The following ADAT2 variants were observed in gnomAD, a reference collection of about 807,000 sequenced individuals.
The protein encoded by ADAT2 is tRNA-specific adenosine-34 deaminase catalytic subunit ADAT2.
ADAT2 carries 26 observed loss-of-function variants against 25.9 expected under a neutral mutation model. The observed-to-expected ratio is 1.00, with a 90% CI of 0.74 to 1.39. ADAT2 has a LOEUF of 1.39. Ranked by LOEUF, ADAT2 falls within the 40% of genes most tolerant of loss-of-function variation. ADAT2 has a pLI of 0.00. For missense variants in ADAT2, 220 were observed against 244.8 expected (o/e 0.90, Z 0.68); for synonymous variants, 76 against 86.8 (o/e 0.88, Z 0.69).
rs1379993144 is a variant in ADAT2, at chr6:143,426,320, T to C, written c.*2143A>G. 1 of 152,176 alleles carries C rather than the reference T, an allele frequency of 6.6e-6. No individual in the cohort carries two copies. Among genetic ancestry groups the C allele is most frequent in the East Asian group, 1.9e-4 (1 of 5,194 alleles). The allele number at this position is 152,176 out of a possible 1,614,324, so 9.4% of individuals were successfully genotyped here. On this transcript the variant is annotated 3_prime_UTR_variant, in exon 6 of 6. Coordinates refer to ENST00000237283, the MANE Select transcript of ADAT2 (RefSeq NM_182503.3). This position sits in a 1 kb window ranked among gnomAD's most constrained non-coding sequence, Gnocchi z 4.1. ...ATAATTCCTCACTGTCACTTGGAAA[T>C]TGCTAGCAGAATTCCATAGAGCTAA...
At chr6:143,429,858 C>T (rs1331122369) in intron 4 of ADAT2, among the ~76,000 whole-genome samples, 1 of 152,172 alleles carries the variant, frequency 6.6e-6, no homozygotes, top group African/African-American at 2.4e-5. Flanking sequence ...CTTGCCTGGG[C>T]CTCCGACACC....
rs1778888175 is a variant in ADAT2 at position 143,425,042 on chromosome 6, A to C, written c.*3421T>G. 1 of 152,214 alleles carries C rather than the reference A, an allele frequency of 6.6e-6. No homozygotes were observed. Among genetic ancestry groups the C allele is most frequent in the African/African-American group, 2.4e-5 (1 of 41,460 alleles). 9.4% of individuals were successfully genotyped at this position (152,214 alleles called of 1,614,324 possible). A position where few individuals can be genotyped will look rare whatever the true frequency, so the allele number is the denominator to read the frequency against. On this transcript the variant is annotated 3_prime_UTR_variant, in exon 6 of 6. Transcript: ENST00000237283. Reference sequence around the variant, plus strand: ...AGATGTGATATCCTGTGAGGAACTTAACATCAACCAGCACCTGAATCTAAT... The same window carrying C: ...AGATGTGATATCCTGTGAGGAACTTCACATCAACCAGCACCTGAATCTAAT...
At position 143,428,570 on chromosome 6, in the gene ADAT2, A is replaced by T; in HGVS notation, c.532+42T>A. 1 of 1,612,436 alleles carries T rather than the reference A, an allele frequency of 6.2e-7. No individual in the cohort carries two copies. ...TAAGCTCATAGCAGATTCTCTTTGT[A>T]TGGATTTAAGGGAAGGACATTATCC... On this transcript the variant is annotated intron_variant, in intron 5 of 5. Transcript: ENST00000237283. This position sits in a 1 kb window ranked among gnomAD's most constrained non-coding sequence, Gnocchi z 5.0.
Position 143,436,580 on chromosome 6 carries a change from A to G in ADAT2, c.201+2010T>C. On this transcript the variant is annotated intron_variant, in intron 2 of 5. Coordinates refer to ENST00000237283, the MANE Select transcript of ADAT2 (RefSeq NM_182503.3). The surrounding 1 kb of genome is among the most constrained non-coding windows in gnomAD (Gnocchi z 4.1). ...CTGCACTGGTACATGGGCGAGGGCA[A>G]GAATGAGATGGAATTCACTGGGGCC... The G allele has an allele frequency of 2.4e-6, 1 of 411,622 alleles. No individual in the cohort carries two copies. Among genetic ancestry groups the G allele is most frequent in the Non-Finnish European group, 5.0e-6 (1 of 201,434 alleles). 25.5% of individuals were successfully genotyped at this position (411,622 alleles called of 1,614,324 possible).
In ADAT2 at chr6:143,428,697, G is replaced by A. The variant is rs1436677646; in HGVS notation, c.460-13C>T. 6.2e-7 allele frequency: 1 copy of A among 1,612,988 alleles called. No homozygotes were observed. Among genetic ancestry groups the A allele is most frequent in the Non-Finnish European group, 8.5e-7 (1 of 1,179,282 alleles). ...ATCCAGGGATACACTGATGGAATGA[G>A]AAAGTTGAGAATAAACATAGGCCTA... is the stretch of plus-strand genomic sequence containing the variant. On this transcript the variant is annotated splice_polypyrimidine_tract_variant and intron_variant, in intron 4 of 5. Transcript: ENST00000237283. The surrounding 1 kb of genome is among the most constrained non-coding windows in gnomAD (Gnocchi z 5.0).
intron 1 of ADAT2, among the ~76,000 whole-genome samples, chr6:143,448,824 A>G (rs1031347454): frequency 3.9e-5 from 6 of 152,166 alleles, no homozygotes; most frequent in Non-Finnish European, 8.8e-5. Context: ...CTCGGGCAAC[A>G]CAGAGAGACC....
intron 4 of ADAT2, among the ~76,000 whole-genome samples, chr6:143,430,904 T>C (rs1269982391): frequency 2.0e-5 from 3 of 152,240 alleles, no homozygotes; most frequent in Non-Finnish European, 2.9e-5. Flanking sequence ...GGTGTTATAA[T>C]TAATCACCAT....
At position 143,432,046 on chromosome 6, in the gene ADAT2, T is replaced by C. The variant is rs1195098317; in HGVS notation, c.459+459A>G. The stretch of plus-strand genomic sequence containing the variant: ...ACATGAAAATACAGTGATTGCTAGA[T>C]ACTAAAATAAGGATGTGGCAATCAA... On this transcript the variant is annotated intron_variant, in intron 4 of 5. Coordinates refer to ENST00000237283, the MANE Select transcript of ADAT2 (RefSeq NM_182503.3). This position sits in a 1 kb window ranked among gnomAD's most constrained non-coding sequence, Gnocchi z 4.4. Among the ~76,000 whole-genome samples, 3 of 152,182 alleles carry C rather than the reference T, an allele frequency of 2.0e-5. No individual in the cohort carries two copies. The highest frequency in any genetic ancestry group is 2.9e-5 in the Non-Finnish European group (2 of 68,034).
chr6:143,440,289 G>T lies in ADAT2; in HGVS notation c.97-1595C>A, dbSNP rs920138779. Among the ~76,000 whole-genome samples, 2 of 152,138 alleles carry T rather than the reference G, an allele frequency of 1.3e-5. No individual in the cohort carries two copies. The highest frequency in any genetic ancestry group is 4.8e-5 in the African/African-American group (2 of 41,414). On this transcript the variant is annotated intron_variant, in intron 1 of 5. Transcript: ENST00000237283. This position sits in a 1 kb window ranked among gnomAD's most constrained non-coding sequence, Gnocchi z 4.5. ...GGGCATATAAAGTGCAAAGTTGAAG[G>T]CATTGTTAAAACAGTGTCTTCTGTC...
At position 143,444,737 on chromosome 6, in the gene ADAT2, C is replaced by A; in HGVS notation, c.96+5826G>T. On this transcript the variant is annotated intron_variant, in intron 1 of 5. Coordinates refer to ENST00000237283, the MANE Select transcript of ADAT2 (RefSeq NM_182503.3). This position sits in a 1 kb window ranked among gnomAD's most constrained non-coding sequence, Gnocchi z 4.3. Reference sequence around the variant, plus strand: ...AATAAAATCTCTGTTCTTCCCAGCCCAAACACTGGTCTCTATTTTGTCCTT... The same window carrying A: ...AATAAAATCTCTGTTCTTCCCAGCCAAAACACTGGTCTCTATTTTGTCCTT... 5.2e-6 allele frequency: 1 copy of A among 191,664 alleles called. No homozygotes were observed. 11.9% of individuals were successfully genotyped at this position (191,664 alleles called of 1,614,324 possible).
chr6:143,440,773 G>A lies in ADAT2; in HGVS notation c.97-2079C>T, dbSNP rs1779436317. Among the ~76,000 whole-genome samples, 1 of 152,214 alleles carries A rather than the reference G, an allele frequency of 6.6e-6. No individual in the cohort carries two copies. Among genetic ancestry groups the A allele is most frequent in the Admixed American group, 6.5e-5 (1 of 15,288 alleles). On this transcript the variant is annotated intron_variant, in intron 1 of 5. Transcript: ENST00000237283. The surrounding 1 kb of genome is among the most constrained non-coding windows in gnomAD (Gnocchi z 4.5). Reference sequence around the variant, plus strand: ...AGGAGAATGGAAATGCTAACTACCAGTGTAGCTATGGCAATTATTATACTA... The same window carrying A: ...AGGAGAATGGAAATGCTAACTACCAATGTAGCTATGGCAATTATTATACTA...
Position 143,428,317 on chromosome 6 carries a change from C to G in ADAT2, c.*146G>C. 2 of 875,650 alleles carry G rather than the reference C, an allele frequency of 2.3e-6. No individual in the cohort carries two copies. Among genetic ancestry groups the G allele is most frequent in the Non-Finnish European group, 3.5e-6 (2 of 575,046 alleles). The allele number at this position is 875,650 out of a possible 1,614,324, so 54.2% of individuals were successfully genotyped here. On this transcript the variant is annotated 3_prime_UTR_variant, in exon 6 of 6. Transcript: ENST00000237283. The surrounding 1 kb of genome is among the most constrained non-coding windows in gnomAD (Gnocchi z 5.0). Reference sequence around the variant, plus strand: ...CTTCTAAAAAGTGCTAATTTGTTCCCTTAACAGAGCAAATGATGAGAGACA... The same window carrying G: ...CTTCTAAAAAGTGCTAATTTGTTCCGTTAACAGAGCAAATGATGAGAGACA...
chr6:143,435,157 TAAA>T lies in ADAT2; in HGVS notation c.202-1179_202-1177del, dbSNP rs1554278578. The stretch of plus-strand genomic sequence containing the variant: ...GCACACCAAAACTAAGTGGAGAGTT[TAAA>T]AAAAAAAAAAAAAAAAAGGTTTCCC... On this transcript the variant is annotated intron_variant, in intron 2 of 5. Transcript: ENST00000237283. Among the ~76,000 whole-genome samples, 107 of 122,060 alleles carry T rather than the reference TAAA, an allele frequency of 8.8e-4. No homozygotes were observed. The East Asian group carries it at 0.016, about 18-fold the overall frequency. The allele number at this position is 122,060 out of a possible 152,430, so 80.1% of individuals were successfully genotyped here.
rs1356441830 is a variant in ADAT2 at position 143,425,780 on chromosome 6, T to TGTGTGTGTGTGTGTGTGTGTGTGTGTG, written c.*2682_*2683insCACACACACACACACACACACACACAC. The TGTGTGTGTGTGTGTGTGTGTGTGTGTG allele has an allele frequency of 2.0e-5, 3 of 149,218 alleles. No homozygotes were observed. The highest frequency in any genetic ancestry group is 6.7e-5 in the Admixed American group (1 of 14,846). The allele number at this position is 149,218 out of a possible 1,614,324, so 9.2% of individuals were successfully genotyped here. A position where few individuals can be genotyped will look rare whatever the true frequency, so the allele number is the denominator to read the frequency against. ...GTGTGTGTGTGTGTGTGTGTGTGTATTTTATATATATATACTTTTCCCAGT... is the reference window on the plus strand; with the variant it reads ...GTGTGTGTGTGTGTGTGTGTGTGTATGTGTGTGTGTGTGTGTGTGTGTGTGTGTTTATATATATATACTTTTCCCAGT... On this transcript the variant is annotated 3_prime_UTR_variant, in exon 6 of 6. Coordinates refer to ENST00000237283, the MANE Select transcript of ADAT2 (RefSeq NM_182503.3).
rs908719176 is a variant in ADAT2, at chr6:143,446,244, C to T, written c.96+4319G>A. Among the ~76,000 whole-genome samples, 1 of 152,146 alleles carries T rather than the reference C, an allele frequency of 6.6e-6. No homozygotes were observed. Among genetic ancestry groups the T allele is most frequent in the Admixed American group, 6.5e-5 (1 of 15,286 alleles). ...CTGTATATACAGTTCAGCAGTCTGCCCTTTTCATTTAGAAATGTATTGTTA... is the reference window on the plus strand; with the variant it reads ...CTGTATATACAGTTCAGCAGTCTGCTCTTTTCATTTAGAAATGTATTGTTA... On this transcript the variant is annotated intron_variant, in intron 1 of 5. Coordinates refer to ENST00000237283, the MANE Select transcript of ADAT2 (RefSeq NM_182503.3). The surrounding 1 kb of genome is among the most constrained non-coding windows in gnomAD (Gnocchi z 5.0).
rs1324875359 is a variant in ADAT2, at chr6:143,425,884, A to G, written c.*2579T>C. ...TCTATTTTCTCTCCATGATACTCCA[A>G]ATACAACACAGGAAGAGATGGTTGT... is the stretch of plus-strand genomic sequence containing the variant. On this transcript the variant is annotated 3_prime_UTR_variant, in exon 6 of 6. Transcript: ENST00000237283. 1.3e-5 allele frequency: 2 copies of G among 152,478 alleles called. No homozygotes were observed. The highest frequency in any genetic ancestry group is 1.3e-4 in the Admixed American group (2 of 15,242). 9.4% of individuals were successfully genotyped at this position (152,478 alleles called of 1,614,324 possible). A position where few individuals can be genotyped will look rare whatever the true frequency, so the allele number is the denominator to read the frequency against.
chr6:143,441,864 C>T (rs1169189662), intron 1 of ADAT2: 1 of 152,116 alleles, frequency 6.6e-6, no homozygotes, highest in African/African-American at 2.4e-5. Context: ...CACTACACAC[C>T]CATCAGCATG....
chr6:143,430,064 C>T (rs1163109111), intron 4 of ADAT2, among the ~76,000 whole-genome samples: 1 of 152,182 alleles, frequency 6.6e-6, no homozygotes, highest in Admixed American at 6.5e-5. Flanking sequence ...GATTCCTCAA[C>T]TCTGCAGTCC....
rs1447787469 is a variant in ADAT2, at chr6:143,427,172, T to C, written c.*1291A>G. On this transcript the variant is annotated 3_prime_UTR_variant, in exon 6 of 6. Coordinates refer to ENST00000237283, the MANE Select transcript of ADAT2 (RefSeq NM_182503.3). The stretch of plus-strand genomic sequence containing the variant: ...TTATAAGTCCTCTGAAGCATGTAAC[T>C]GTGATTAGCTGCTACTCTCAGCAAT... 2 of 150,920 alleles carry C rather than the reference T, an allele frequency of 1.3e-5. No individual in the cohort carries two copies. Among genetic ancestry groups the C allele is most frequent in the Non-Finnish European group, 3.0e-5 (2 of 67,668 alleles). The allele number at this position is 150,920 out of a possible 1,614,324, so 9.3% of individuals were successfully genotyped here.
Sources: gnomAD v4.1 joint callset for allele counts (sites outside exome capture counted in the v4.1 genomes callset) on GRCh38, gnomAD v4.1.1 for gene constraint, Gnocchi (gnomAD v3.1) non-coding constraint, MANE v1.5 for transcripts, NCBI Gene and HGNC (gene_info 2026-07-23, HGNC 2026-07-21) for gene names.